Variants in TCF25 observed in about 807,000 individuals in gnomAD.
The protein encoded by TCF25 is TCF25 ribosome quality control complex subunit.
A neutral mutation model predicts 83.1 loss-of-function variants in TCF25; 41 were observed. That is an observed-to-expected ratio of 0.49 (90% CI 0.38 to 0.64). The LOEUF is 0.64. Among genes scored for constraint, TCF25 ranks in the 30% least tolerant of loss-of-function variants. TCF25 has a pLI of 0.00. For synonymous variants in TCF25, 458 were observed against 365.0 expected, an observed-to-expected ratio of 1.25 and a Z score of -2.90; for missense variants, 979 against 914.5, an observed-to-expected ratio of 1.07 and a Z score of -0.91.
At chr16:89,910,970 C>T (rs562455213) in intron 17 of TCF25, 110 bp from the exon 18 acceptor site, 33 of 1,449,926 alleles carry the variant, frequency 2.3e-5, no homozygotes, top group African/African-American at 1.3e-4. Context: ...GTTCAGGGTC[C>T]GGTGCTGGGG....
rs577553781 is a variant in TCF25 at position 89,882,637 on chromosome 16, A to C, written c.193-714A>C. 2.0e-5 allele frequency among the ~76,000 whole-genome samples: 3 copies of C among 152,222 alleles called. No homozygotes were observed. In the East Asian group the frequency reaches 5.8e-4, roughly 29 times the overall value. ...AGTCTTGCTCTGTTGCCCAGGCTGG[A>C]GGGTAGTGGTGCGATCTTGACTCAC... On this transcript the variant is annotated intron_variant, in intron 1 of 17. Coordinates refer to ENST00000263346, the MANE Select transcript of TCF25 (RefSeq NM_014972.3).
chr16:89,879,926 C>T lies in TCF25; in HGVS notation c.193-3425C>T, dbSNP rs564261762. ...CACACGTGTTGTCCGTGTACACAGA[C>T]AGGCTCCTGGGCCTATCATGTGTGC... On this transcript the variant is annotated intron_variant, in intron 1 of 17. Coordinates refer to ENST00000263346, the MANE Select transcript of TCF25 (RefSeq NM_014972.3). Among the ~76,000 whole-genome samples the T allele has an allele frequency of 1.4e-3, 210 of 150,898 alleles. 2 individuals are homozygous for T. Among genetic ancestry groups the T allele is most frequent in the Non-Finnish European group, 1.5e-3 (101 of 67,666 alleles).
intron 14 of TCF25, among the ~76,000 whole-genome samples, 190 bp downstream of exon 14, chr16:89,905,286 G>C (rs904062089): frequency 1.3e-5 from 2 of 152,186 alleles, no homozygotes; most frequent in African/African-American, 4.8e-5. Context: ...CTGGGAGGCA[G>C]CTGTGGTGAT....
intron 1 of TCF25, among the ~76,000 whole-genome samples, chr16:89,881,398 A>C (rs930816658): frequency 1.3e-5 from 2 of 152,182 alleles, no homozygotes; most frequent in Admixed American, 6.5e-5. Context: ...TGGATCCATC[A>C]GAATCTCCTA....
chr16:89,883,312 T>C, intron 1 of TCF25, 39 bp from the exon 2 acceptor site: 1 of 1,605,888 alleles, frequency 6.2e-7, no homozygotes, highest in South Asian at 1.1e-5. Flanking sequence ...GTTCACACTG[T>C]AAGTAACGCC....
chr16:89,898,491 G>A, intron 9 of TCF25, 66 bp from the exon 10 acceptor site: 5 of 1,540,972 alleles, frequency 3.2e-6, no homozygotes, highest in African/African-American at 1.4e-5. Flanking sequence ...GTGCTGGCCG[G>A]GGCGCTGAGC....
rs778803740 is a variant in TCF25 at position 89,898,507 on chromosome 16, G to T, written c.1023-50G>T. The T allele has an allele frequency of 1.1e-5, 17 of 1,587,744 alleles. No individual in the cohort carries two copies. In the Admixed American group the frequency reaches 2.8e-4, roughly 26 times the overall value. On this transcript the variant is annotated intron_variant, in intron 9 of 17. Coordinates refer to ENST00000263346, the MANE Select transcript of TCF25 (RefSeq NM_014972.3). Reference sequence around the variant, plus strand: ...TGCTGGCCGGGGCGCTGAGCAGAGAGCATTCTCCTTTGTGTCGTTGTAATT... The same window carrying T: ...TGCTGGCCGGGGCGCTGAGCAGAGATCATTCTCCTTTGTGTCGTTGTAATT...
At chr16:89,906,046 C>G (rs1040794082) in intron 14 of TCF25, 148 bp from the exon 15 acceptor site, 6 of 710,694 alleles carry the variant, frequency 8.4e-6, no homozygotes, top group Non-Finnish European at 1.4e-5. Flanking sequence ...GGTGCCTCTG[C>G]TCGAGAGTAA....
Position 89,907,223 on chromosome 16 carries a change from T to C in TCF25, c.1720-20T>C. The C allele has an allele frequency of 6.2e-7, 1 of 1,612,332 alleles. No homozygotes were observed. Among genetic ancestry groups the C allele is most frequent in the Non-Finnish European group, 8.5e-7 (1 of 1,179,094 alleles). ...CCTGGCAGCATCTGTAGCATCTTCG[T>C]TTTATGTCCCTTTCTGAAGGACGTG... On this transcript the variant is annotated intron_variant, in intron 15 of 17. Transcript: ENST00000263346.
At position 89,898,494 on chromosome 16, in the gene TCF25, C is replaced by T. The variant is rs1393780494; in HGVS notation, c.1023-63C>T. On this transcript the variant is annotated intron_variant, in intron 9 of 17. Coordinates refer to ENST00000263346, the MANE Select transcript of TCF25 (RefSeq NM_014972.3). ...GGGGTGGAGTGGGTGCTGGCCGGGGCGCTGAGCAGAGAGCATTCTCCTTTG... is the reference window on the plus strand; with the variant it reads ...GGGGTGGAGTGGGTGCTGGCCGGGGTGCTGAGCAGAGAGCATTCTCCTTTG... The T allele has an allele frequency of 1.5e-5, 24 of 1,550,034 alleles. No homozygotes were observed. In the East Asian group the frequency reaches 3.6e-4, roughly 23 times the overall value.
chr16:89,903,100 G>A (rs1271246904), intron 12 of TCF25, among the ~76,000 whole-genome samples: 2 of 152,264 alleles, frequency 1.3e-5, no homozygotes, highest in African/African-American at 4.8e-5. Flanking sequence ...CAGTGCAGCC[G>A]TGTCTGGAAA....
chr16:89,904,868 G>T, intron 13 of TCF25, 70 bp from the exon 14 acceptor site: 1 of 1,545,816 alleles, frequency 6.5e-7, no homozygotes, highest in Non-Finnish European at 8.7e-7. Flanking sequence ...CCATCCATGG[G>T]GCTCTGCCAG....
chr16:89,874,268 C>T (rs955828672), intron 1 of TCF25, among the ~76,000 whole-genome samples: 3 of 151,726 alleles, frequency 2.0e-5, no homozygotes, highest in South Asian at 4.2e-4. Context: ...GGGCCTGCGG[C>T]CACGTGGCTG....
intron 14 of TCF25, among the ~76,000 whole-genome samples, chr16:89,905,611 G>T (rs372737245): frequency 6.6e-6 from 1 of 152,212 alleles, no homozygotes; most frequent in Non-Finnish European, 1.5e-5. Context: ...CCAGGCTCAG[G>T]ACCGCCTGGG....
At chr16:89,896,834 G>A (rs1597343269) in intron 9 of TCF25, among the ~76,000 whole-genome samples, 1 of 152,086 alleles carries the variant, frequency 6.6e-6, no homozygotes, top group African/African-American at 2.4e-5. Flanking sequence ...GATTACAGGC[G>A]TGAGCCACCG....
At chr16:89,906,748 A>G (rs1443574875) in intron 15 of TCF25, among the ~76,000 whole-genome samples, 1 of 152,200 alleles carries the variant, frequency 6.6e-6, no homozygotes, top group African/African-American at 2.4e-5. Flanking sequence ...CACTGGGGAC[A>G]GCTTAGTGCC....
intron 1 of TCF25, among the ~76,000 whole-genome samples, chr16:89,881,515 G>C (rs907102375): frequency 7.4e-6 from 1 of 134,874 alleles, no homozygotes; most frequent in Non-Finnish European, 1.5e-5. Context: ...GTGTGATCAT[G>C]GCTCACTCCA....
chr16:89,910,399 C>T (rs2045461971), intron 16 of TCF25, 192 bp from the exon 17 acceptor site: 1 of 622,408 alleles, frequency 1.6e-6, no homozygotes, highest in Non-Finnish European at 2.9e-6. Flanking sequence ...CAGCCCCACC[C>T]TAAGCTGATG....
At chr16:89,878,958 G>A (rs918690433) in intron 1 of TCF25, among the ~76,000 whole-genome samples, 1 of 152,200 alleles carries the variant, frequency 6.6e-6, no homozygotes, top group Non-Finnish European at 1.5e-5. Context: ...AGGTTTGTCT[G>A]ACGGTGATTG....
Sources: gnomAD v4.1 joint callset for allele counts (sites outside exome capture counted in the v4.1 genomes callset) on GRCh38, gnomAD v4.1.1 for gene constraint, MANE v1.5 for transcripts, NCBI Gene and HGNC (gene_info 2026-07-23, HGNC 2026-07-21) for gene names.